Variants in FAM81A observed in about 807,000 individuals in gnomAD.
FAM81A encodes the protein family with sequence similarity 81 member A.
Under a neutral mutation model 46.7 loss-of-function variants are expected in FAM81A, and 19 were observed. That is an observed-to-expected ratio of 0.41 (90% CI 0.28 to 0.60). The LOEUF (loss-of-function observed/expected upper bound fraction) is 0.60. FAM81A is among the 20% of genes least tolerant of loss of function. FAM81A has a pLI of 0.34. For synonymous variants in FAM81A, 183 were observed against 152.9 expected, an observed-to-expected ratio of 1.20 and a Z score of -1.45; for missense variants, 377 against 453.5, an observed-to-expected ratio of 0.83 and a Z score of 1.53.
intron 2 of FAM81A, among the ~76,000 whole-genome samples, chr15:59,408,510 G>A (rs1406918891): frequency 2.6e-5 from 4 of 152,096 alleles, no homozygotes; most frequent in Admixed American, 1.3e-4. Context: ...ACCTGGCCAC[G>A]TTGTAAAACC....
intron 3 of FAM81A, among the ~76,000 whole-genome samples, chr15:59,486,962 ATAG>A (rs1171240029): frequency 6.6e-6 from 1 of 152,024 alleles, no homozygotes; most frequent in East Asian, 1.9e-4. Context: ...CTCACTGGTA[ATAG>A]TAAGTACACA....
At chr15:59,461,490 A>G (rs1008403740) in intron 3 of FAM81A, among the ~76,000 whole-genome samples, 4 of 151,932 alleles carry the variant, frequency 2.6e-5, no homozygotes, top group Non-Finnish European at 5.9e-5. Flanking sequence ...CATCTATACT[A>G]TAGTATTTTT....
chr15:59,514,152 C>T (rs1464493888), intron 6 of FAM81A, 137 bp from the exon 7 acceptor site: 1 of 884,772 alleles, frequency 1.1e-6, no homozygotes, highest in Non-Finnish European at 1.7e-6. Context: ...GATGGGTTGA[C>T]AGATGCAGCA....
chr15:59,438,777 G>A (rs2081265052), intron 1 of FAM81A: 1 of 152,226 alleles, frequency 6.6e-6, no homozygotes, highest in Non-Finnish European at 1.5e-5. Context: ...GCAGGTACCG[G>A]AGATGCAAAG....
chr15:59,433,660 G>T (rs1044446142), upstream of FAM81A, among the ~76,000 whole-genome samples: 35 of 152,122 alleles, frequency 2.3e-4, no homozygotes, highest in African/African-American at 7.7e-4. Context: ...GAGGAAAAAA[G>T]GAATTTTCTT....
At chr15:59,464,510 A>C (rs1416920501) in intron 3 of FAM81A, among the ~76,000 whole-genome samples, 3 of 152,166 alleles carry the variant, frequency 2.0e-5, no homozygotes, top group Non-Finnish European at 2.9e-5. Flanking sequence ...AATAGCAGTT[A>C]TAACTGGAGT....
chr15:59,515,840 C>G (rs1212486603), intron 7 of FAM81A, among the ~76,000 whole-genome samples: 3 of 152,080 alleles, frequency 2.0e-5, no homozygotes, highest in African/African-American at 7.2e-5. Context: ...GAAATAGAAA[C>G]TTATTTTTTA....
intron 3 of FAM81A, among the ~76,000 whole-genome samples, chr15:59,463,162 A>T (rs1189856143): frequency 6.6e-6 from 1 of 152,168 alleles, no homozygotes; most frequent in African/African-American, 2.4e-5. Context: ...TAGGTCTGTG[A>T]ACCATTTTGA....
intron 7 of FAM81A, among the ~76,000 whole-genome samples, chr15:59,515,668 T>C (rs1241674034): frequency 6.6e-6 from 1 of 152,162 alleles, no homozygotes; most frequent in East Asian, 1.9e-4. Context: ...ATTAAATATG[T>C]TCTTTTAAGT....
chr15:59,492,101 T>G (rs1355320095), intron 3 of FAM81A, among the ~76,000 whole-genome samples, 170 bp from the exon 4 acceptor site: 1 of 152,250 alleles, frequency 6.6e-6, no homozygotes, highest in Non-Finnish European at 1.5e-5. Context: ...GGTCTCTCTC[T>G]GTCTAGGCCC....
chr15:59,415,696 C>T lies in FAM81A; in HGVS notation c.-78+13338C>T, dbSNP rs562861647. On this transcript the variant is annotated intron_variant, in intron 2 of 4. Coordinates refer to the FAM81A transcript ENST00000558348. ...ATCTTAGACCCCTGACCTGCAGAAC[C>T]GTAAGATAATAAGTTTGTGCTGCTT... Among the ~76,000 whole-genome samples, 23 of 152,214 alleles carry T rather than the reference C, an allele frequency of 1.5e-4. No individual in the cohort carries two copies. In the South Asian group the frequency reaches 2.7e-3, roughly 18 times the overall value.
chr15:59,488,223 C>T (rs1298124754), intron 3 of FAM81A, among the ~76,000 whole-genome samples: 3 of 152,116 alleles, frequency 2.0e-5, no homozygotes. Flanking sequence ...TTCAACATCC[C>T]TTCATGAGAA....
chr15:59,448,541 G>GTAGA (rs1167179961), intron 1 of FAM81A, among the ~76,000 whole-genome samples: 4 of 151,922 alleles, frequency 2.6e-5, no homozygotes, highest in East Asian at 1.9e-4. Context: ...AGATAGATAG[G>GTAGA]TAGATAGATA....
intron 2 of FAM81A, 98 bp downstream of exon 2, chr15:59,458,744 G>C (rs1369553901): frequency 1.5e-5 from 18 of 1,194,828 alleles, no homozygotes; most frequent in Non-Finnish European, 2.0e-5. Context: ...GAATGGTTTT[G>C]TTCAAGGGCA....
rs185932408 is a variant in FAM81A at position 59,469,628 on chromosome 15, C to T, written c.294+9422C>T. On this transcript the variant is annotated intron_variant, in intron 3 of 8. Coordinates refer to ENST00000288228, the MANE Select transcript of FAM81A (RefSeq NM_152450.3). ...GTGTGTCTTTGCACATGAGATGGGT[C>T]TCCTGAATACAGCACACTGATGGGT... Among the ~76,000 whole-genome samples, 606 of 151,558 alleles carry T rather than the reference C, an allele frequency of 4.0e-3. 4 individuals carry two copies. The highest frequency in any genetic ancestry group is 0.014 in the African/African-American group (583 of 41,250).
chr15:59,506,506 C>G (rs367603237), intron 4 of FAM81A, among the ~76,000 whole-genome samples: 4 of 152,322 alleles, frequency 2.6e-5, no homozygotes, highest in African/African-American at 9.6e-5. Context: ...TAATGGCATT[C>G]TGTCTCTACT....
intron 4 of FAM81A, among the ~76,000 whole-genome samples, chr15:59,493,782 T>A (rs560092930): frequency 2.2e-4 from 34 of 152,214 alleles, no homozygotes; most frequent in African/African-American, 7.9e-4. Flanking sequence ...GAGATGAGGT[T>A]TTACCATGTT....
At chr15:59,456,444 C>T (rs1468087446) in intron 1 of FAM81A, among the ~76,000 whole-genome samples, 7 of 152,078 alleles carry the variant, frequency 4.6e-5, no homozygotes, top group African/African-American at 1.4e-4. Context: ...TCTCTCCATC[C>T]CCTATTTTGG....
intron 4 of FAM81A, among the ~76,000 whole-genome samples, chr15:59,494,357 G>A (rs1249108130): frequency 6.6e-6 from 1 of 152,194 alleles, no homozygotes; most frequent in Non-Finnish European, 1.5e-5. Context: ...GATCAAGTGG[G>A]AGAATACATG....
Sources: gnomAD v4.1 joint callset for allele counts (sites outside exome capture counted in the v4.1 genomes callset) on GRCh38, gnomAD v4.1.1 for gene constraint, MANE v1.5 for transcripts, NCBI Gene and HGNC (gene_info 2026-07-23, HGNC 2026-07-21) for gene names.